The following CACNA1B variants were observed in gnomAD, a reference collection of about 807,000 sequenced individuals.
The protein encoded by CACNA1B is voltage-dependent N-type calcium channel subunit alpha-1B.
CACNA1B carries 70 observed loss-of-function variants against 247.2 expected under a neutral mutation model. That is an observed-to-expected ratio of 0.28 (90% CI 0.23 to 0.35). The LOEUF (loss-of-function observed/expected upper bound fraction) is 0.35. Ranked by LOEUF, CACNA1B falls within the 10% of genes least tolerant of loss-of-function variation. The pLI, the probability that CACNA1B is intolerant of heterozygous loss-of-function variation, is 1.00. For synonymous variants in CACNA1B, 1,231 were observed against 1,294.4 expected, an observed-to-expected ratio of 0.95 and a Z score of 1.05; for missense variants, 2,367 against 3,197.4, an observed-to-expected ratio of 0.74 and a Z score of 6.26.
At chr9:137,884,962 C>CCT (rs1554919655) in intron 3 of CACNA1B, among the ~76,000 whole-genome samples, 1 of 109,086 alleles carries the variant, frequency 9.2e-6, no homozygotes, top group Non-Finnish European at 2.1e-5. Context: ...CCTCTTCCCC[C>CCT]CCCCCCTCCT....
In CACNA1B at chr9:138,043,969, A is replaced by G; in HGVS notation, c.3413+69A>G. Reference sequence around the variant, plus strand: ...CATGCATCATGACCCGTGGGATCTCAGTAGCCAGCGTGCACTGATTCTGCG... The same window carrying G: ...CATGCATCATGACCCGTGGGATCTCGGTAGCCAGCGTGCACTGATTCTGCG... On this transcript the variant is annotated intron_variant, in intron 21 of 46. Coordinates refer to ENST00000371372, the MANE Select transcript of CACNA1B (RefSeq NM_000718.4). 6 of 1,564,006 alleles carry G rather than the reference A, an allele frequency of 3.8e-6. No homozygotes were observed. The South Asian group carries it at 5.8e-5, about 15-fold the overall frequency.
Position 138,059,209 on chromosome 9 carries a change from C to T in CACNA1B, c.4584+20C>T. 6.7e-7 allele frequency: 1 copy of T among 1,490,392 alleles called. No individual in the cohort carries two copies. 92.3% of individuals were successfully genotyped at this position (1,490,392 alleles called of 1,614,324 possible). A position where few individuals can be genotyped will look rare whatever the true frequency, so the allele number is the denominator to read the frequency against. On this transcript the variant is annotated intron_variant, in intron 30 of 46. Coordinates refer to ENST00000371372, the MANE Select transcript of CACNA1B (RefSeq NM_000718.4). The surrounding 1 kb of genome is among the most constrained non-coding windows in gnomAD (Gnocchi z 4.2). ...GTGCTGGTACGTGCTTTGGTCCCTG[C>T]TTTGCCTTTTGACAACCTATATTCT...
intron 3 of CACNA1B, among the ~76,000 whole-genome samples, chr9:137,906,118 T>C (rs1008292694): frequency 2.0e-5 from 3 of 152,198 alleles, no homozygotes; most frequent in African/African-American, 7.2e-5. Context: ...TTTATGGCTC[T>C]CAAGATTATA....
intron 40 of CACNA1B, among the ~76,000 whole-genome samples, chr9:138,114,063 G>T (rs1030116548): frequency 1.3e-5 from 2 of 152,224 alleles, no homozygotes; most frequent in Admixed American, 1.3e-4. Flanking sequence ...ACTCCATCTT[G>T]CTTTCTGGGG....
chr9:137,958,150 T>C (rs1957971553), intron 10 of CACNA1B, among the ~76,000 whole-genome samples: 1 of 152,150 alleles, frequency 6.6e-6, no homozygotes, highest in Non-Finnish European at 1.5e-5. Flanking sequence ...AGTCTGTGAG[T>C]GGACCAGATT....
At chr9:138,027,770 C>T (rs1418129609) in intron 20 of CACNA1B, among the ~76,000 whole-genome samples, 1 of 152,142 alleles carries the variant, frequency 6.6e-6, no homozygotes, top group Admixed American at 6.5e-5. Flanking sequence ...AATATCTTTG[C>T]AATCTTAGAA....
At position 138,121,906 on chromosome 9, in the gene CACNA1B, C is replaced by T. The variant is rs200857014; in HGVS notation, c.6927C>T (p.Arg2309=). ...CCTCCCAGTCTCACCCTCTCCGCCG[C>T]GTGCCCAACGGTTACCACTGCACCC... ...SLTSQSHPLR[R]VPNGYHCTLG... Residue 2309 remains arginine (R), a synonymous_variant, in exon 47 of 47, where the codon CGC becomes CGT. Transcript: ENST00000371372. The surrounding 1 kb of genome is among the most constrained non-coding windows in gnomAD (Gnocchi z 6.8). The T allele has an allele frequency of 1.1e-4, 174 of 1,611,852 alleles. No homozygotes were observed. In the Admixed American group the frequency reaches 2.4e-3, roughly 22 times the overall value.
At position 138,054,941 on chromosome 9, in the gene CACNA1B, G is replaced by C. The variant is rs1959439065; in HGVS notation, c.3968+935G>C. ...ATTGGCCGCTTAGGTGTTCTTTTCTGGAAGTGTCTGCCTGTGGTCCTGTGT... is the reference window on the plus strand; with the variant it reads ...ATTGGCCGCTTAGGTGTTCTTTTCTCGAAGTGTCTGCCTGTGGTCCTGTGT... On this transcript the variant is annotated intron_variant, in intron 26 of 46. Transcript: ENST00000371372. This position sits in a 1 kb window ranked among gnomAD's most constrained non-coding sequence, Gnocchi z 4.6. Among the ~76,000 whole-genome samples, 1 of 152,030 alleles carries C rather than the reference G, an allele frequency of 6.6e-6. No individual in the cohort carries two copies.
chr9:137,927,238 T>A (rs984125091), intron 6 of CACNA1B, among the ~76,000 whole-genome samples: 5 of 90,208 alleles, frequency 5.5e-5, no homozygotes, highest in Non-Finnish European at 1.0e-4. Flanking sequence ...GATCCAGCTT[T>A]CTTCTTCTTT....
At position 138,013,026 on chromosome 9, in the gene CACNA1B, A is replaced by G. The variant is rs150535742; in HGVS notation, c.2161-103A>G. Reference sequence around the variant, plus strand: ...CACTGGATAGAGAGCAGCACTGTGTATTTTTTGAGGCCCCTGGAGGAAGAG... The same window carrying G: ...CACTGGATAGAGAGCAGCACTGTGTGTTTTTTGAGGCCCCTGGAGGAAGAG... On this transcript the variant is annotated intron_variant, in intron 17 of 46. Coordinates refer to ENST00000371372, the MANE Select transcript of CACNA1B (RefSeq NM_000718.4). The G allele has an allele frequency of 7.3e-4, 611 of 833,206 alleles. 1 individual carries two copies. In the African/African-American group the frequency reaches 9.0e-3, roughly 12 times the overall value. 51.6% of individuals were successfully genotyped at this position (833,206 alleles called of 1,614,324 possible).
chr9:138,105,350 C>T (rs1310932036), intron 38 of CACNA1B, among the ~76,000 whole-genome samples: 1 of 152,196 alleles, frequency 6.6e-6, no homozygotes, highest in South Asian at 2.1e-4. Flanking sequence ...GTGGCTGCTG[C>T]TCCTCCTCCC....
chr9:138,059,848 G>C lies in CACNA1B; in HGVS notation c.4668+111G>C. 1.4e-6 allele frequency: 1 copy of C among 708,832 alleles called. No individual in the cohort carries two copies. Among genetic ancestry groups the C allele is most frequent in the East Asian group, 2.5e-5 (1 of 39,550 alleles). The allele number at this position is 708,832 out of a possible 1,614,324, so 43.9% of individuals were successfully genotyped here. On this transcript the variant is annotated intron_variant, in intron 31 of 46. Transcript: ENST00000371372. This position sits in a 1 kb window ranked among gnomAD's most constrained non-coding sequence, Gnocchi z 4.2. The stretch of plus-strand genomic sequence containing the variant: ...TGTTAGCCTCTTCCTGGGTTCCGCA[G>C]AACCCCCTGGACATGTGGAGGCTTC...
At chr9:138,047,173 G>GC in intron 22 of CACNA1B, 140 bp downstream of exon 22, 1 of 855,376 alleles carries the variant, frequency 1.2e-6, no homozygotes, top group Non-Finnish European at 1.8e-6. Flanking sequence ...TGTGTGCCTG[G>GC]CAGTGCACGA....
intron 8 of CACNA1B, among the ~76,000 whole-genome samples, chr9:137,956,175 C>T (rs1363922547): frequency 6.6e-6 from 1 of 152,218 alleles, no homozygotes; most frequent in African/African-American, 2.4e-5. Context: ...GGGGCATCCA[C>T]TCACACCTCC....
intron 12 of CACNA1B, among the ~76,000 whole-genome samples, chr9:137,981,570 G>A (rs568357136): frequency 5.9e-5 from 9 of 152,216 alleles, no homozygotes; most frequent in Non-Finnish European, 7.4e-5. Flanking sequence ...TCTGCCTCCC[G>A]GGTTCAAGCA....
chr9:138,047,072 G>T (rs1289443148), intron 22 of CACNA1B, 39 bp downstream of exon 22: 1 of 1,571,742 alleles, frequency 6.4e-7, no homozygotes, highest in East Asian at 2.3e-5. Flanking sequence ...CCAGGCTGTG[G>T]CGGGGGAGCT....
intron 13 of CACNA1B, among the ~76,000 whole-genome samples, chr9:137,984,551 A>G (rs1958333984): frequency 6.6e-6 from 1 of 152,174 alleles, no homozygotes; most frequent in African/African-American, 2.4e-5. Flanking sequence ...CCAGCCTTCA[A>G]AGGTGACTTT....
chr9:137,893,401 A>G (rs1256795381), intron 3 of CACNA1B, among the ~76,000 whole-genome samples: 3 of 150,374 alleles, frequency 2.0e-5, no homozygotes, highest in Non-Finnish European at 4.4e-5. Flanking sequence ...CTGTAATCCC[A>G]GCACTTTGGG....
chr9:137,924,209 T>C (rs1372503680), intron 6 of CACNA1B, among the ~76,000 whole-genome samples: 4 of 152,212 alleles, frequency 2.6e-5, no homozygotes, highest in Admixed American at 1.3e-4. Flanking sequence ...ATTTTCTTTT[T>C]TTTTTTCTAA....
Sources: gnomAD v4.1 joint callset for allele counts (sites outside exome capture counted in the v4.1 genomes callset) on GRCh38, gnomAD v4.1.1 for gene constraint, Gnocchi (gnomAD v3.1) non-coding constraint, MANE v1.5 for transcripts, NCBI Gene and HGNC (gene_info 2026-07-23, HGNC 2026-07-21) for gene names.